CEACAM8: variants seen among roughly 807,000 people sequenced by gnomAD.
CEACAM8 encodes cell adhesion molecule CEACAM8.
In CEACAM8, 31 loss-of-function variants were observed where a neutral mutation model predicts 33.4. The observed-to-expected ratio is 0.93, with a 90% CI of 0.70 to 1.25. CEACAM8 has a LOEUF of 1.25. Ranked by LOEUF, CEACAM8 falls within the 50% of genes most tolerant of loss-of-function variation. CEACAM8 has a pLI of 0.00. For missense variants in CEACAM8, 388 were observed against 434.6 expected, an observed-to-expected ratio of 0.89 and a Z score of 0.95; for synonymous variants, 138 against 164.5, an observed-to-expected ratio of 0.84 and a Z score of 1.23.
At chr19:42,583,118 A>C (rs2042282181) in intron 5 of CEACAM8, 88 bp downstream of exon 5, 1 of 678,810 alleles carries the variant, frequency 1.5e-6, no homozygotes, top group Admixed American at 2.5e-5. Context: ...TGGGAGGAGG[A>C]GGAGATCCAT....
intron 2 of CEACAM8, among the ~76,000 whole-genome samples, chr19:42,590,268 C>T (rs751251259): frequency 1.2e-4 from 19 of 152,280 alleles, no homozygotes; most frequent in South Asian, 4.1e-4. Flanking sequence ...AGGTCGGTTC[C>T]GTCGTCAGGC....
intron 3 of CEACAM8, among the ~76,000 whole-genome samples, 190 bp downstream of exon 3, chr19:42,589,267 T>C (rs2042390354): frequency 6.6e-6 from 1 of 152,068 alleles, no homozygotes; most frequent in Non-Finnish European, 1.5e-5. Flanking sequence ...GAGCACCCCC[T>C]CCCCTCTTAT....
intron 1 of CEACAM8, among the ~76,000 whole-genome samples, chr19:42,594,563 C>T (rs1252217192): frequency 2.0e-5 from 3 of 152,170 alleles, no homozygotes; most frequent in Non-Finnish European, 4.4e-5. Flanking sequence ...ATATGGAACA[C>T]TTGAGATGTT....
rs938535412 is a variant in CEACAM8 at position 42,594,637 on chromosome 19, G to A, written c.64+128C>T. The A allele has an allele frequency of 5.3e-5, 37 of 702,676 alleles. No individual in the cohort carries two copies. The African/African-American group carries it at 6.3e-4, about 12-fold the overall frequency. The allele number at this position is 702,676 out of a possible 1,614,324, so 43.5% of individuals were successfully genotyped here. On this transcript the variant is annotated intron_variant, in intron 1 of 5. Coordinates refer to ENST00000244336, the MANE Select transcript of CEACAM8 (RefSeq NM_001816.4). ...GTTGTGACCCCTTCCCCTCTCTTGTGTCCTCTCCTCTATTAAGGCTCCAAC... is the reference window on the plus strand; with the variant it reads ...GTTGTGACCCCTTCCCCTCTCTTGTATCCTCTCCTCTATTAAGGCTCCAAC...
chr19:42,588,845 G>T lies in CEACAM8; in HGVS notation c.897C>A (p.Cys299Ter), dbSNP rs2042380274. The T allele has an allele frequency of 6.2e-7, 1 of 1,614,078 alleles. No individual in the cohort carries two copies. Among genetic ancestry groups the T allele is most frequent in the South Asian group, 1.1e-5 (1 of 91,080 alleles). The change falls in exon 4 of 6, where the codon TGC becomes TGA. Residue 299 changes from cysteine to a stop codon, truncating the protein, a stop_gained. Transcript: ENST00000244336. LOFTEE classifies it high-confidence loss of function. ...GGCCAGTGGCTGAGTTAGTGGTGTG[G>T]CAGGCATAGGATCCGCTGTTCTTTG... ...ITTKNSGSYA[C>*]HTTNSATGRN...
chr19:42,581,941 A>ATATG (rs1443066058), intron 5 of CEACAM8, among the ~76,000 whole-genome samples: 1 of 127,790 alleles, frequency 7.8e-6, no homozygotes, highest in Non-Finnish European at 1.6e-5. Flanking sequence ...ATATATATAT[A>ATATG]TATATAAAAT....
intron 5 of CEACAM8, among the ~76,000 whole-genome samples, chr19:42,581,879 A>G (rs1337438680): frequency 2.8e-5 from 3 of 105,666 alleles, no homozygotes; most frequent in Non-Finnish European, 5.4e-5. Context: ...ACGGAGCGAG[A>G]CTCCGTCTCA....
At chr19:42,585,814 C>T (rs2042328186) in intron 4 of CEACAM8, among the ~76,000 whole-genome samples, 1 of 152,078 alleles carries the variant, frequency 6.6e-6, no homozygotes, top group South Asian at 2.1e-4. Flanking sequence ...TGTCTGTTCA[C>T]AGACAACTTG....
chr19:42,593,030 G>C (rs1310884128), intron 2 of CEACAM8, among the ~76,000 whole-genome samples: 1 of 152,228 alleles, frequency 6.6e-6, no homozygotes, highest in Non-Finnish European at 1.5e-5. Flanking sequence ...AGGAGCCACA[G>C]CCCTTGGATG....
intron 4 of CEACAM8, among the ~76,000 whole-genome samples, chr19:42,584,101 T>G (rs185750104): frequency 9.2e-5 from 14 of 152,314 alleles, no homozygotes; most frequent in African/African-American, 2.6e-4. Context: ...TTCTTTGCAC[T>G]TAGCTTTTTT....
rs768237042 is a variant in CEACAM8 at position 42,588,831 on chromosome 19, G to A, written c.911C>T (p.Ser304Leu). The change falls in exon 4 of 6, where the codon TCA (serine) becomes TTA (leucine). Residue 304 changes from serine to leucine, a missense_variant. Ser to Leu is a moderately radical substitution (Grantham distance 145). Transcript: ENST00000244336. The stretch of plus-strand genomic sequence containing the variant: ...TGTGGTCCTGTTGCGGCCAGTGGCT[G>A]AGTTAGTGGTGTGGCAGGCATAGGA... ...SGSYACHTTN[S>L]ATGRNRTTVR... 1.2e-6 allele frequency: 2 copies of A among 1,614,212 alleles called. No individual in the cohort carries two copies. The highest frequency in any genetic ancestry group is 2.2e-5 in the South Asian group (2 of 91,074).
At position 42,588,914 on chromosome 19, in the gene CEACAM8, T is replaced by C. The variant is rs2042382303; in HGVS notation, c.828A>G (p.Thr276=). 1 of 1,614,068 alleles carries C rather than the reference T, an allele frequency of 6.2e-7. No homozygotes were observed. The highest frequency in any genetic ancestry group is 1.1e-5 in the South Asian group (1 of 91,090). Residue 276 remains threonine, a synonymous_variant, in exon 4 of 6, where the codon ACA becomes ACG. Coordinates refer to ENST00000244336, the MANE Select transcript of CEACAM8 (RefSeq NM_001816.4). ...PSQYSWSVNG[T]FQQYTQKLFI... ...AGAGCTTTTGTGTGTATTGCTGGAATGTGCCATTGACAGACCAAGAATACT... is the reference window on the plus strand; with the variant it reads ...AGAGCTTTTGTGTGTATTGCTGGAACGTGCCATTGACAGACCAAGAATACT...
intron 4 of CEACAM8, among the ~76,000 whole-genome samples, 159 bp from the exon 5 acceptor site, chr19:42,583,496 A>G (rs2042287479): frequency 6.6e-6 from 1 of 152,226 alleles, no homozygotes; most frequent in Non-Finnish European, 1.5e-5. Context: ...AGCCAACTAT[A>G]TTCTTGCAGG....
At position 42,581,073 on chromosome 19, in the gene CEACAM8, C is replaced by G. The variant is rs2042252091; in HGVS notation, c.*321G>C. 1 of 135,926 alleles carries G rather than the reference C, an allele frequency of 7.4e-6. No homozygotes were observed. Among genetic ancestry groups the G allele is most frequent in the Non-Finnish European group, 1.6e-5 (1 of 63,596 alleles). The allele number at this position is 135,926 out of a possible 1,614,324, so 8.4% of individuals were successfully genotyped here. A position where few individuals can be genotyped will look rare whatever the true frequency, so the allele number is the denominator to read the frequency against. ...CCAGCCTGGGCGACAGAGCGAGATTCCATCTCAAAAAAAAAAAAAAAAAAA... is the reference window on the plus strand; with the variant it reads ...CCAGCCTGGGCGACAGAGCGAGATTGCATCTCAAAAAAAAAAAAAAAAAAA... On this transcript the variant is annotated 3_prime_UTR_variant, in exon 6 of 6. Coordinates refer to ENST00000244336, the MANE Select transcript of CEACAM8 (RefSeq NM_001816.4).
Position 42,589,518 on chromosome 19 carries a change from T to A in CEACAM8, c.642A>T (p.Glu214Asp). The A allele has an allele frequency of 6.2e-7, 1 of 1,614,214 alleles. No homozygotes were observed. Among genetic ancestry groups the A allele is most frequent in the Non-Finnish European group, 8.5e-7 (1 of 1,180,052 alleles). ...SVTRNDVGPY[E>D]CEIQNPASAN... ...CACTCGCTGGGTTCTGTATTTCACA[T>A]TCATAGGGTCCTACGTCATTCCTTG... The change falls in exon 3 of 6, where the codon GAA (glutamate) becomes GAT (aspartate). Residue 214 changes from glutamate to aspartate, a missense_variant. Coordinates refer to ENST00000244336, the MANE Select transcript of CEACAM8 (RefSeq NM_001816.4).
chr19:42,587,416 AAG>A (rs1568693739), intron 4 of CEACAM8, among the ~76,000 whole-genome samples: 1 of 152,262 alleles, frequency 6.6e-6, no homozygotes. Context: ...CAATCTTAAC[AAG>A]GAAGAAAATT....
intron 4 of CEACAM8, among the ~76,000 whole-genome samples, chr19:42,586,149 T>C (rs886283337): frequency 6.6e-6 from 1 of 152,214 alleles, no homozygotes; most frequent in Non-Finnish European, 1.5e-5. Flanking sequence ...ACGGTATTGT[T>C]AGGAGGATAA....
chr19:42,586,024 A>G (rs1036997323), intron 4 of CEACAM8, among the ~76,000 whole-genome samples: 1 of 152,200 alleles, frequency 6.6e-6, no homozygotes, highest in Non-Finnish European at 1.5e-5. Flanking sequence ...CTTAGGCATA[A>G]GTTTAACCAA....
chr19:42,588,755 T>TA, intron 4 of CEACAM8, 29 bp downstream of exon 4: 1 of 1,612,046 alleles, frequency 6.2e-7, no homozygotes, highest in Non-Finnish European at 8.5e-7. Flanking sequence ...CCAGAAAACA[T>TA]ACTGCCAGTG....
Sources: allele counts gnomAD v4.1 joint callset (sites outside exome capture counted in the v4.1 genomes callset), GRCh38; gene constraint gnomAD v4.1.1; transcripts MANE v1.5; gene names NCBI Gene and HGNC (gene_info 2026-07-23, HGNC 2026-07-21).